Variants in GCNA observed in about 807,000 individuals in gnomAD.
The protein encoded by GCNA is germ cell nuclear acidic protein.
GCNA carries 3 observed loss-of-function variants against 38.8 expected under a neutral mutation model. That is an observed-to-expected ratio of 0.08 (90% CI 0.04 to 0.20). The LOEUF (loss-of-function observed/expected upper bound fraction) is 0.20, where lower values mean the gene tolerates loss of function less well. Among genes scored for constraint, GCNA ranks in the 10% least tolerant of loss-of-function variants. The probability of loss-of-function intolerance (pLI) is 1.00; values close to 1 mark genes in which losing one functional copy is unlikely to be tolerated. For missense variants in GCNA, 446 were observed against 578.6 expected (o/e 0.77, Z 2.35); for synonymous variants, 195 against 240.2 (o/e 0.81, Z 1.74).
chrX:71,582,532 A>T (rs1266187363), intron 2 of GCNA, among the ~76,000 whole-genome samples: 1 of 111,232 alleles, frequency 9.0e-6, no homozygotes, highest in African/African-American at 3.3e-5. Context: ...GGGAGTATAT[A>T]TTTGGTACAA....
chrX:71,605,854 G>A (rs1180409370), intron 9 of GCNA, 125 bp downstream of exon 9: 7 of 516,464 alleles, frequency 1.4e-5, no homozygotes, highest in Non-Finnish European at 2.1e-5. Flanking sequence ...TGGGACTGGG[G>A]GACAAGGTTT....
At chrX:71,608,560 C>A (rs1465020376) in intron 9 of GCNA, among the ~76,000 whole-genome samples, 2 of 112,852 alleles carry the variant, frequency 1.8e-5, no homozygotes, top group Non-Finnish European at 3.7e-5. Context: ...CGCGAGCCAC[C>A]GCACCCAGCC....
intron 2 of GCNA, among the ~76,000 whole-genome samples, chrX:71,590,534 T>C (rs2040619835): frequency 8.9e-6 from 1 of 112,194 alleles, no homozygotes; most frequent in East Asian, 2.8e-4. Context: ...TGAAGTCTAC[T>C]ACTAAGTCCA....
Position 71,603,598 on chromosome X carries a change from G to A in GCNA, c.321G>A (p.Pro107=), listed in dbSNP as rs769523849. 5 of 1,207,223 alleles carry A rather than the reference G, an allele frequency of 4.1e-6. No homozygotes were observed. Among genetic ancestry groups the A allele is most frequent in the African/African-American group, 1.7e-5 (1 of 57,157 alleles). ...TCTCTTGAATTTCAGATGAGAGTCC[G>A]GAGTGTTGTCATGTGAAGCCTGCCA... ...LLEINSDDES[P]ECCHVKPAIQ... is the part of the protein sequence containing the mutation. The change falls in exon 8 of 13, where the codon CCG becomes CCA. Residue 107 remains proline, a synonymous_variant. Coordinates refer to ENST00000373696, the MANE Select transcript of GCNA (RefSeq NM_052957.5).
Position 71,603,674 on chromosome X carries a change from G to A in GCNA, c.397G>A (p.Gly133Ser), listed in dbSNP as rs750478485. Reference protein sequence around the residue: ...ISDDDNDDDNGNDLEVPDDNS... With the variant: ...ISDDDNDDDNSNDLEVPDDNS... ...TGATGATGACAATGACGATGACAACGGTAATGATTTGGAAGTTCCCGACGA... is the reference window on the plus strand; with the variant it reads ...TGATGATGACAATGACGATGACAACAGTAATGATTTGGAAGTTCCCGACGA... Residue 133 changes from glycine (G) to serine (S), a missense_variant, in exon 8 of 13, where the codon GGT (glycine) becomes AGT (serine). This residue lies in a region of GCNA where 118 missense variants were observed against 122.8 expected (regional missense o/e 0.96). Transcript: ENST00000373696. 2 of 1,211,351 alleles carry A rather than the reference G, an allele frequency of 1.7e-6. No individual in the cohort carries two copies. Among genetic ancestry groups the A allele is most frequent in the African/African-American group, 1.7e-5 (1 of 57,341 alleles).
rs1218464335 is a variant in GCNA, at chrX:71,580,821, C to T, written c.-1C>T. On this transcript the variant is annotated splice_region_variant and 5_prime_UTR_variant, in exon 2 of 13. Transcript: ENST00000373696. ...GTGTATCTTTGTCTTTCACTACAGA[C>T]ATGGATGGGTGCAAAAAAGAGCTGC... The T allele has an allele frequency of 5.8e-6, 7 of 1,199,465 alleles. No individual in the cohort carries two copies. The African/African-American group carries it at 8.8e-5, about 15-fold the overall frequency.
intron 2 of GCNA, among the ~76,000 whole-genome samples, chrX:71,584,244 G>A (rs1050774872): frequency 9.0e-6 from 1 of 110,701 alleles, no homozygotes; most frequent in Non-Finnish European, 1.9e-5. Flanking sequence ...GCTTTTTGTA[G>A]TATTTAATTT....
chrX:71,589,586 CT>C (rs1263074208), intron 2 of GCNA, among the ~76,000 whole-genome samples: 40 of 102,603 alleles, frequency 3.9e-4, no homozygotes, highest in African/African-American at 1.3e-3. Flanking sequence ...CTGCCTCAGC[CT>C]CTGAAGAAAT....
rs146388286 is a variant in GCNA, at chrX:71,591,216, G to A, written c.60-906G>A. Among the ~76,000 whole-genome samples the A allele has an allele frequency of 6.3e-3, 696 of 111,286 alleles. 8 individuals carry two copies. The highest frequency in any genetic ancestry group is 0.022 in the African/African-American group (661 of 30,618). ...TCTGGCTGACAGTGGATGTCCAGCC[G>A]GCTGCTGTCTGGTGAGCTGAAGGGT... is the stretch of plus-strand genomic sequence containing the variant. On this transcript the variant is annotated intron_variant, in intron 2 of 12. Transcript: ENST00000373696.
intron 4 of GCNA, among the ~76,000 whole-genome samples, chrX:71,593,435 T>C (rs986553229): frequency 8.9e-6 from 1 of 111,749 alleles, no homozygotes; most frequent in Non-Finnish European, 1.9e-5. Context: ...CCGGCTGCTG[T>C]CTGGCGAGCT....
Position 71,604,422 on chromosome X carries a change from C to A in GCNA, c.1145C>A (p.Pro382Gln). ...EQDLGENLSK[P>Q]PSDPEANPEV... ...GATCTTGGTGAGAATCTCAGCAAAC[C>A]ACCAAGTGATCCTGAGGCTAACCCT... Residue 382 changes from proline (P) to glutamine (Q), a missense_variant, in exon 8 of 13, where the codon CCA (proline) becomes CAA (glutamine). Coordinates refer to ENST00000373696, the MANE Select transcript of GCNA (RefSeq NM_052957.5). 8.3e-7 allele frequency: 1 copy of A among 1,210,048 alleles called. No individual in the cohort carries two copies.
chrX:71,609,978 A>G (rs777854637), intron 10 of GCNA, among the ~76,000 whole-genome samples: 1 of 111,743 alleles, frequency 8.9e-6, no homozygotes, highest in Non-Finnish European at 1.9e-5. Flanking sequence ...GTGGTGTCAC[A>G]TCAGATGGGT....
At chrX:71,595,844 C>T (rs1014765303) in intron 6 of GCNA, among the ~76,000 whole-genome samples, 14 of 112,516 alleles carry the variant, frequency 1.2e-4, no homozygotes, top group East Asian at 2.8e-4. Flanking sequence ...TGGCTATCTC[C>T]GATTTATCTC....
intron 11 of GCNA, 86 bp from the exon 12 acceptor site, chrX:71,612,269 C>T: frequency 3.9e-6 from 3 of 763,263 alleles, no homozygotes; most frequent in Non-Finnish European, 5.3e-6. Context: ...CAAAGCAAGA[C>T]TATCTCAAAA....
chrX:71,601,623 C>T (rs1285166572), intron 7 of GCNA, among the ~76,000 whole-genome samples: 1 of 110,044 alleles, frequency 9.1e-6, no homozygotes, highest in African/African-American at 3.3e-5. Flanking sequence ...CGGCTCACTG[C>T]AGCCTCTGCC....
intron 9 of GCNA, 22 bp downstream of exon 9, chrX:71,605,751 T>C (rs2040764691): frequency 8.5e-7 from 1 of 1,182,190 alleles, no homozygotes. Flanking sequence ...TCGCATACAG[T>C]TGAACAGGAA....
In GCNA at chrX:71,605,489, G is replaced by A. The variant is rs778786926; in HGVS notation, c.1400-174G>A. On this transcript the variant is annotated intron_variant, in intron 8 of 12. Transcript: ENST00000373696. ...GCTGGCAGCTCTGTGATTCACGTGG[G>A]TGAGATCGTTGAGAATGATGAAGGC... Among the ~76,000 whole-genome samples, 7 of 112,940 alleles carry A rather than the reference G, an allele frequency of 6.2e-5. No individual in the cohort carries two copies. In the East Asian group the frequency reaches 1.9e-3, roughly 31 times the overall value.
intron 11 of GCNA, among the ~76,000 whole-genome samples, 184 bp downstream of exon 11, chrX:71,611,003 C>T (rs2040806327): frequency 8.9e-6 from 1 of 112,740 alleles, no homozygotes; most frequent in African/African-American, 3.2e-5. Context: ...TGAATCAAAC[C>T]TATCGATCTT....
intron 9 of GCNA, among the ~76,000 whole-genome samples, chrX:71,606,133 CCAAGGCAAAGGCACTGGAAATGGTGA>C (rs2040768002): frequency 8.9e-6 from 1 of 112,552 alleles, no homozygotes; most frequent in South Asian, 3.7e-4. Context: ...TTGTGCTAAA[CCAAGGCAAAGGCACTGGAAATGGTGA>C]GAAGGCGAAA....
Sources: allele counts gnomAD v4.1 joint callset (sites outside exome capture counted in the v4.1 genomes callset), GRCh38; gene constraint gnomAD v4.1.1; regional missense constraint gnomAD v4.1.1; transcripts MANE v1.5; gene names NCBI Gene and HGNC (gene_info 2026-07-23, HGNC 2026-07-21).